The following CFAP52 variants were observed in gnomAD, a reference collection of about 807,000 sequenced individuals.
CFAP52 encodes the protein cilia and flagella associated protein 52.
A neutral mutation model predicts 70.5 loss-of-function variants in CFAP52; 57 were observed. That is an observed-to-expected ratio of 0.81 (90% CI 0.65 to 1.01). The LOEUF is 1.01. CFAP52 is among the 50% of genes least tolerant of loss of function. CFAP52 has a pLI of 0.00. For missense variants in CFAP52, 785 were observed against 788.5 expected, an observed-to-expected ratio of 1.00 and a Z score of 0.05; for synonymous variants, 267 against 292.5, an observed-to-expected ratio of 0.91 and a Z score of 0.89.
At position 9,635,398 on chromosome 17, in the gene CFAP52, C is replaced by G; in HGVS notation, c.1321-7C>G. On this transcript the variant is annotated splice_region_variant and splice_polypyrimidine_tract_variant and intron_variant, in intron 10 of 13. Transcript: ENST00000352665. The stretch of plus-strand genomic sequence containing the variant: ...TGGATCAAGATCCTGTGCTCTGTGG[C>G]TTTCAGGTGAGGGTATGGCAGATAG... The G allele has an allele frequency of 6.2e-7, 1 of 1,613,788 alleles. No homozygotes were observed. Among genetic ancestry groups the G allele is most frequent in the Non-Finnish European group, 8.5e-7 (1 of 1,180,002 alleles).
intron 3 of CFAP52, chr17:9,589,788 ATTCT>A (rs1430346211): frequency 3.3e-4 from 37 of 112,972 alleles, no homozygotes; most frequent in Admixed American, 3.3e-4. Context: ...CCCTGTTAAC[ATTCT>A]TAGCTCAACT....
chr17:9,614,390 A>T (rs1457558035), intron 8 of CFAP52, among the ~76,000 whole-genome samples: 3 of 152,078 alleles, frequency 2.0e-5, no homozygotes, highest in Non-Finnish European at 2.9e-5. Context: ...TCCCAACCTC[A>T]GGTGATCCAC....
At chr17:9,611,115 C>A (rs1027704610) in intron 7 of CFAP52, among the ~76,000 whole-genome samples, 8 of 152,170 alleles carry the variant, frequency 5.3e-5, no homozygotes, top group African/African-American at 1.9e-4. Flanking sequence ...TGTGTCCCAC[C>A]AATAAATCTC....
intron 9 of CFAP52, among the ~76,000 whole-genome samples, chr17:9,629,524 CT>C (rs1910370979): frequency 6.9e-6 from 1 of 144,924 alleles, no homozygotes; most frequent in East Asian, 2.0e-4. Context: ...TTTCTTCTTT[CT>C]TTTTTCTTCC....
Position 9,643,264 on chromosome 17 carries a change from C to A in CFAP52, c.*66C>A. 1 of 1,319,232 alleles carries A rather than the reference C, an allele frequency of 7.6e-7. No homozygotes were observed. Among genetic ancestry groups the A allele is most frequent in the Non-Finnish European group, 9.9e-7 (1 of 1,006,178 alleles). The allele number at this position is 1,319,232 out of a possible 1,614,324, so 81.7% of individuals were successfully genotyped here. On this transcript the variant is annotated 3_prime_UTR_variant, in exon 14 of 14. Coordinates refer to ENST00000352665, the MANE Select transcript of CFAP52 (RefSeq NM_145054.5). ...CCTGTTGAAGACTGAGTTTAGATAA[C>A]TCCAACACTAGTCTTCATTTCTCAC...
chr17:9,599,860 G>T (rs1323944317), intron 5 of CFAP52, among the ~76,000 whole-genome samples: 4 of 151,848 alleles, frequency 2.6e-5, no homozygotes, highest in Non-Finnish European at 5.9e-5. Flanking sequence ...TCCTACCTCA[G>T]CCTCCCGAGT....
At position 9,585,758 on chromosome 17, in the gene CFAP52, ATC is replaced by A. The variant is rs1908436384; in HGVS notation, c.71-7_71-6del. On this transcript the variant is annotated splice_polypyrimidine_tract_variant and intron_variant, in intron 1 of 13. Coordinates refer to ENST00000352665, the MANE Select transcript of CFAP52 (RefSeq NM_145054.5). ...CTGCACCTGATTATTATTACTGTGA[ATC>A]TCTCTCTTTTAGGACATGTGCCCAC... is the stretch of plus-strand genomic sequence containing the variant. The A allele has an allele frequency of 5.0e-6, 8 of 1,613,396 alleles. No homozygotes were observed. Among genetic ancestry groups the A allele is most frequent in the South Asian group, 1.1e-5 (1 of 91,048 alleles).
chr17:9,633,379 A>C (rs1157222192), intron 10 of CFAP52, among the ~76,000 whole-genome samples: 1 of 151,018 alleles, frequency 6.6e-6, no homozygotes, highest in Non-Finnish European at 1.5e-5. Context: ...TAATTTTTCT[A>C]TTTTTAGTAG....
At chr17:9,608,514 G>A (rs1281521943) in intron 7 of CFAP52, among the ~76,000 whole-genome samples, 4 of 152,092 alleles carry the variant, frequency 2.6e-5, no homozygotes, top group Non-Finnish European at 5.9e-5. Context: ...GAAAGGAACG[G>A]GATGTTATAA....
At chr17:9,598,688 G>A (rs1246952074) in intron 5 of CFAP52, 1 of 155,702 alleles carries the variant, frequency 6.4e-6, no homozygotes, top group Non-Finnish European at 1.4e-5. Flanking sequence ...TTGAACCTGG[G>A]AGGCGGAAGT....
chr17:9,581,112 G>A (rs1055490208), intron 1 of CFAP52, among the ~76,000 whole-genome samples: 2 of 152,132 alleles, frequency 1.3e-5, no homozygotes, highest in African/African-American at 4.8e-5. Flanking sequence ...GTCAGGAGAT[G>A]GAAACCATCC....
chr17:9,607,508 C>T (rs1346615654), intron 6 of CFAP52, among the ~76,000 whole-genome samples: 1 of 152,122 alleles, frequency 6.6e-6, no homozygotes, highest in Non-Finnish European at 1.5e-5. Flanking sequence ...TTGAAGAGCA[C>T]TTTAAATTTT....
intron 3 of CFAP52, among the ~76,000 whole-genome samples, chr17:9,588,596 G>A (rs1908604304): frequency 6.6e-6 from 1 of 152,040 alleles, no homozygotes; most frequent in Non-Finnish European, 1.5e-5. Context: ...AGCATGGGCT[G>A]GACCTGGACC....
intron 12 of CFAP52, 128 bp downstream of exon 12, chr17:9,638,839 C>G (rs1910925652): frequency 1.2e-6 from 1 of 849,858 alleles, no homozygotes; most frequent in African/African-American, 1.7e-5. Context: ...ATCAATCAGC[C>G]ATGCCACTTT....
intron 8 of CFAP52, among the ~76,000 whole-genome samples, chr17:9,625,432 T>A (rs925427303): frequency 6.7e-6 from 1 of 149,024 alleles, no homozygotes; most frequent in Non-Finnish European, 1.5e-5. Flanking sequence ...TAGCTAGGGA[T>A]ACATGTATAA....
intron 3 of CFAP52, among the ~76,000 whole-genome samples, chr17:9,590,917 C>T (rs1908717881): frequency 6.6e-6 from 1 of 151,838 alleles, no homozygotes; most frequent in Admixed American, 6.6e-5. Flanking sequence ...AGGGGTCAAC[C>T]CTGAATGTGT....
intron 9 of CFAP52, among the ~76,000 whole-genome samples, chr17:9,631,080 A>AAGAAAGAAAGAAAG (rs1567635036): frequency 2.9e-5 from 2 of 68,510 alleles, no homozygotes; most frequent in Admixed American, 1.4e-4. Context: ...GAAAGAAAGA[A>AAGAAAGAAAGAAAG]AGAGAAAGAA....
At chr17:9,608,059 TTC>T in intron 6 of CFAP52, 58 bp from the exon 7 acceptor site, 1 of 1,418,424 alleles carries the variant, frequency 7.1e-7, no homozygotes, top group East Asian at 2.3e-5. Context: ...CATGAGTACA[TTC>T]TTTAGTGGTG....
intron 3 of CFAP52, among the ~76,000 whole-genome samples, chr17:9,593,177 T>C (rs1908840702): frequency 6.6e-6 from 1 of 152,174 alleles, no homozygotes; most frequent in East Asian, 1.9e-4. Flanking sequence ...TTTAAACACC[T>C]TGATTCGAAC....
Sources: allele counts gnomAD v4.1 joint callset (sites outside exome capture counted in the v4.1 genomes callset), GRCh38; gene constraint gnomAD v4.1.1; transcripts MANE v1.5; gene names NCBI Gene and HGNC (gene_info 2026-07-23, HGNC 2026-07-21).